DOCK7: variants seen among roughly 807,000 people sequenced by gnomAD.
DOCK7 encodes dedicator of cytokinesis 7, also known as dedicator of cytokinesis protein 7.
DOCK7 carries 138 observed loss-of-function variants against 271.0 expected under a neutral mutation model. That is an observed-to-expected ratio of 0.51 (90% CI 0.44 to 0.59). DOCK7 has a LOEUF of 0.59. Ranked by LOEUF, DOCK7 falls within the 20% of genes least tolerant of loss-of-function variation. The pLI, the probability that DOCK7 is intolerant of heterozygous loss-of-function variation, is 0.00. For missense variants in DOCK7, 2,066 were observed against 2,592.4 expected (o/e 0.80, Z 4.41); for synonymous variants, 823 against 876.1 (o/e 0.94, Z 1.07).
intron 7 of DOCK7, among the ~76,000 whole-genome samples, chr1:62,639,423 A>ATT (rs1655696603): frequency 1.9e-5 from 2 of 107,584 alleles, no homozygotes; most frequent in African/African-American, 4.2e-5. Context: ...ACTTTGTAAT[A>ATT]CTCTTTTTTT....
At chr1:62,664,910 GGA>G (rs1293340211) in intron 1 of DOCK7, among the ~76,000 whole-genome samples, 1 of 152,174 alleles carries the variant, frequency 6.6e-6, no homozygotes, top group Non-Finnish European at 1.5e-5. Context: ...AACAGATTCA[GGA>G]GAGGGCAAAG....
Position 62,688,284 on chromosome 1 carries a change from A to ACGG in DOCK7, c.-23_-21dup, listed in dbSNP as rs746980228. 2.4e-5 allele frequency: 30 copies of ACGG among 1,253,856 alleles called. No individual in the cohort carries two copies. In the South Asian group the frequency reaches 5.4e-4, roughly 23 times the overall value. 77.7% of individuals were successfully genotyped at this position (1,253,856 alleles called of 1,614,324 possible). A position where few individuals can be genotyped will look rare whatever the true frequency, so the allele number is the denominator to read the frequency against. On this transcript the variant is annotated 5_prime_UTR_variant, in exon 1 of 50. Transcript: ENST00000635253. ...GGCCATGGCTGCTGCGGCGACGGCG[A>ACGG]CGGCGGCGGCGGCTGCGGCGGGCCG...
chr1:62,684,823 G>A (rs1661552353), intron 1 of DOCK7, among the ~76,000 whole-genome samples: 1 of 152,134 alleles, frequency 6.6e-6, no homozygotes, highest in Non-Finnish European at 1.5e-5. Flanking sequence ...AGTATAATTA[G>A]TGATAATAAG....
chr1:62,518,357 G>A (rs916894616), intron 31 of DOCK7, among the ~76,000 whole-genome samples: 2 of 152,118 alleles, frequency 1.3e-5, no homozygotes, highest in Non-Finnish European at 2.9e-5. Context: ...GGATCACGAG[G>A]TCAGGAGATT....
chr1:62,639,898 TTC>T (rs1655779113), intron 7 of DOCK7, among the ~76,000 whole-genome samples: 2 of 151,798 alleles, frequency 1.3e-5, no homozygotes, highest in South Asian at 4.1e-4. Context: ...GTAGAGTTTT[TTC>T]TTTTTTTTTT....
At chr1:62,513,943 A>G in intron 31 of DOCK7, 45 bp from the exon 32 acceptor site, 4 of 1,522,990 alleles carry the variant, frequency 2.6e-6, no homozygotes, top group African/African-American at 1.4e-5. Flanking sequence ...ATCAAAGACC[A>G]TTTCTTGTTT....
At chr1:62,609,937 G>A (rs1197181129) in intron 14 of DOCK7, among the ~76,000 whole-genome samples, 1 of 151,926 alleles carries the variant, frequency 6.6e-6, no homozygotes, top group Non-Finnish European at 1.5e-5. Flanking sequence ...TGCAACCTCC[G>A]CCTCCTGGGT....
At chr1:62,514,096 A>G (rs1644586523) in intron 31 of DOCK7, among the ~76,000 whole-genome samples, 198 bp from the exon 32 acceptor site, 1 of 152,224 alleles carries the variant, frequency 6.6e-6, no homozygotes, top group African/African-American at 2.4e-5. Flanking sequence ...AGTTTAATGA[A>G]CCTTTCCTGA....
intron 43 of DOCK7, chr1:62,486,772 G>A (rs1646306881): frequency 6.6e-6 from 1 of 152,080 alleles, no homozygotes; most frequent in African/African-American, 2.4e-5. Flanking sequence ...TCTTTCCTCA[G>A]TAGTGCTCAT....
At chr1:62,464,436 C>T (rs1645617533) in intron 48 of DOCK7, among the ~76,000 whole-genome samples, 1 of 150,758 alleles carries the variant, frequency 6.6e-6, no homozygotes, top group Non-Finnish European at 1.5e-5. Flanking sequence ...AATCCCAGCG[C>T]TTTGGGAGGC....
chr1:62,608,657 G>A (rs1042710425), intron 14 of DOCK7: 1 of 152,092 alleles, frequency 6.6e-6, no homozygotes, highest in African/African-American at 2.4e-5. Flanking sequence ...TGATTTTAGT[G>A]AATTACTGAA....
At chr1:62,505,185 T>C (rs760306169) in intron 36 of DOCK7, among the ~76,000 whole-genome samples, 6 of 152,156 alleles carry the variant, frequency 3.9e-5, no homozygotes, top group Non-Finnish European at 8.8e-5. Flanking sequence ...TAAAATGAAA[T>C]AGCTACCTTC....
intron 28 of DOCK7, among the ~76,000 whole-genome samples, chr1:62,536,386 G>C (rs1000263331): frequency 6.6e-6 from 1 of 152,182 alleles, no homozygotes; most frequent in Non-Finnish European, 1.5e-5. Flanking sequence ...CTGGCTGAAA[G>C]AGATGTTCAG....
chr1:62,535,429 A>G, intron 29 of DOCK7, 64 bp downstream of exon 29: 1 of 1,415,392 alleles, frequency 7.1e-7, no homozygotes. Flanking sequence ...ATGTGAGTGG[A>G]ATACTTCTGT....
chr1:62,536,026 G>T (rs1452916317), intron 28 of DOCK7, among the ~76,000 whole-genome samples: 1 of 152,000 alleles, frequency 6.6e-6, no homozygotes. Context: ...AAGGCTATTG[G>T]TTTCCAGAGA....
chr1:62,491,453 T>A (rs768171728), intron 41 of DOCK7, among the ~76,000 whole-genome samples: 10 of 152,230 alleles, frequency 6.6e-5, no homozygotes. Context: ...GCTAACTATC[T>A]TTTCTTTCTC....
chr1:62,489,990 T>G, intron 41 of DOCK7, among the ~76,000 whole-genome samples: 1 of 152,042 alleles, frequency 6.6e-6, no homozygotes, highest in East Asian at 1.9e-4. Flanking sequence ...GGCCAGTGGT[T>G]GCTATGGTTA....
chr1:62,460,636 CA>C (rs1645496226), intron 48 of DOCK7, among the ~76,000 whole-genome samples: 3 of 108,362 alleles, frequency 2.8e-5, no homozygotes, highest in African/African-American at 5.8e-5. Flanking sequence ...CACACACACA[CA>C]CACCCTCCAA....
rs1047783303 is a variant in DOCK7 at position 62,517,956 on chromosome 1, G to C, written c.3937-4058C>G. ...TACAAACAACCCAAACTTCCTTTGAGAAGAGAATGAATACATAATTATATT... is the reference window on the plus strand; with the variant it reads ...TACAAACAACCCAAACTTCCTTTGACAAGAGAATGAATACATAATTATATT... On this transcript the variant is annotated intron_variant, in intron 31 of 49. Transcript: ENST00000635253. 2.0e-5 allele frequency among the ~76,000 whole-genome samples: 3 copies of C among 152,110 alleles called. No homozygotes were observed. The South Asian group carries it at 6.2e-4, about 31-fold the overall frequency.
Sources: allele counts gnomAD v4.1 joint callset (sites outside exome capture counted in the v4.1 genomes callset), GRCh38; gene constraint gnomAD v4.1.1; transcripts MANE v1.5; gene names NCBI Gene and HGNC (gene_info 2026-07-23, HGNC 2026-07-21).